Variants in JAKMIP3 observed in about 807,000 individuals in gnomAD.
JAKMIP3 encodes the protein Janus kinase and microtubule interacting protein 3.
JAKMIP3 carries 58 observed loss-of-function variants against 118.5 expected under a neutral mutation model. The observed-to-expected ratio is 0.49, with a 90% confidence interval of 0.40 to 0.61. The LOEUF (loss-of-function observed/expected upper bound fraction) is 0.61. Among genes scored for constraint, JAKMIP3 ranks in the 20% least tolerant of loss-of-function variants. The pLI, the probability that JAKMIP3 is intolerant of heterozygous loss-of-function variation, is 0.00. For missense variants in JAKMIP3, 950 were observed against 1,109.0 expected, an observed-to-expected ratio of 0.86 and a Z score of 2.04; for synonymous variants, 486 against 451.2, an observed-to-expected ratio of 1.08 and a Z score of -0.98.
chr10:132,053,088 C>A (rs2038144143), intron 1 of JAKMIP3, among the ~76,000 whole-genome samples: 1 of 152,184 alleles, frequency 6.6e-6, no homozygotes, highest in Non-Finnish European at 1.5e-5. Flanking sequence ...GACCTGGGAT[C>A]AATGTGCCTC....
intron 1 of JAKMIP3, among the ~76,000 whole-genome samples, chr10:132,094,239 T>G (rs1364829024): frequency 6.6e-6 from 1 of 152,194 alleles, no homozygotes; most frequent in East Asian, 1.9e-4. Context: ...ATAACTGACC[T>G]TCTGAATTCT....
intron 1 of JAKMIP3, among the ~76,000 whole-genome samples, chr10:132,079,083 C>T (rs1284088308): frequency 6.9e-6 from 1 of 144,084 alleles, no homozygotes; most frequent in Non-Finnish European, 1.5e-5. Flanking sequence ...GAGACCCCCA[C>T]AGCCAGCTGC....
At position 132,142,055 on chromosome 10, in the gene JAKMIP3, G is replaced by A. The variant is rs758182124; in HGVS notation, c.1602+7G>A. 4.7e-5 allele frequency: 72 copies of A among 1,533,994 alleles called. 1 individual carries two copies. The South Asian group carries it at 5.0e-4, about 11-fold the overall frequency. On this transcript the variant is annotated splice_region_variant and intron_variant, in intron 11 of 23. Transcript: ENST00000684848. ...CGCAGAGCGAGAAGTTAAGGTCTACGTGACTTCCACCGCGCGTTCCGGCCC... is the reference window on the plus strand; with the variant it reads ...CGCAGAGCGAGAAGTTAAGGTCTACATGACTTCCACCGCGCGTTCCGGCCC...
chr10:132,168,584 CAAGA>C lies in JAKMIP3; in HGVS notation c.*655_*658del. On this transcript the variant is annotated 3_prime_UTR_variant, in exon 23 of 24. Coordinates refer to ENST00000684848, the MANE Select transcript of JAKMIP3 (RefSeq NM_001323087.2). Reference sequence around the variant, plus strand: ...TCATCATCATCTCTGTGGGGACAGACAAGAGCCGTGGCCGCCGCGGGCCGCGTGG... The same window carrying C: ...TCATCATCATCTCTGTGGGGACAGACGCCGTGGCCGCCGCGGGCCGCGTGG... The C allele has an allele frequency of 2.7e-6, 1 of 374,854 alleles. No individual in the cohort carries two copies. The highest frequency in any genetic ancestry group is 5.0e-6 in the Non-Finnish European group (1 of 199,956). The allele number at this position is 374,854 out of a possible 1,614,324, so 23.2% of individuals were successfully genotyped here.
At chr10:132,076,112 A>G (rs1356452014) in intron 1 of JAKMIP3, among the ~76,000 whole-genome samples, 3 of 152,158 alleles carry the variant, frequency 2.0e-5, no homozygotes, top group African/African-American at 7.2e-5. Context: ...AATTCAGAAC[A>G]TTTCCATCGC....
At chr10:132,100,709 G>C (rs1280637749) in intron 1 of JAKMIP3, among the ~76,000 whole-genome samples, 1 of 152,152 alleles carries the variant, frequency 6.6e-6, no homozygotes, top group Non-Finnish European at 1.5e-5. Flanking sequence ...ATCATCCGAG[G>C]TGCGGAGCCT....
intron 21 of JAKMIP3, among the ~76,000 whole-genome samples, chr10:132,166,778 G>A (rs970790015): frequency 1.3e-5 from 2 of 152,144 alleles, no homozygotes; most frequent in East Asian, 1.9e-4. Flanking sequence ...TCCCCAGTGC[G>A]TTCCTAGGGG....
intron 3 of JAKMIP3, among the ~76,000 whole-genome samples, chr10:132,130,899 C>A (rs1190776495): frequency 3.3e-5 from 5 of 151,770 alleles, no homozygotes; most frequent in African/African-American, 4.8e-5. Context: ...TTGGGGGGCT[C>A]AGGGTTCTGC....
At chr10:132,178,247 T>G (rs2137084207) in intron 23 of JAKMIP3, among the ~76,000 whole-genome samples, 1 of 152,290 alleles carries the variant, frequency 6.6e-6, no homozygotes, top group Non-Finnish European at 1.5e-5. Context: ...GGCTCCGCCG[T>G]GGTGGCTGGG....
In JAKMIP3 at chr10:132,104,703, C is replaced by A; in HGVS notation, c.-106C>A. On this transcript the variant is annotated 5_prime_UTR_variant, in exon 2 of 24. Transcript: ENST00000684848. ...GAGAAGATGTAGTGTGACAGCAGCC[C>A]GGGTGACACCTGCTGGGAGCTTGGC... 1.7e-6 allele frequency: 2 copies of A among 1,160,474 alleles called. No individual in the cohort carries two copies. Among genetic ancestry groups the A allele is most frequent in the East Asian group, 2.6e-5 (1 of 38,678 alleles). The allele number at this position is 1,160,474 out of a possible 1,614,324, so 71.9% of individuals were successfully genotyped here.
intron 19 of JAKMIP3, among the ~76,000 whole-genome samples, chr10:132,162,504 T>C (rs1426776786): frequency 6.6e-6 from 1 of 152,242 alleles, no homozygotes; most frequent in Non-Finnish European, 1.5e-5. Context: ...ATGTGCGAGC[T>C]GGTTGTGACA....
intron 1 of JAKMIP3, among the ~76,000 whole-genome samples, chr10:132,093,036 C>G (rs1329794613): frequency 1.3e-5 from 2 of 152,186 alleles, no homozygotes; most frequent in East Asian, 3.8e-4. Context: ...GAGGTCCACT[C>G]CAGACCCTGT....
chr10:132,166,480 C>T (rs1250469820), intron 21 of JAKMIP3, among the ~76,000 whole-genome samples: 1 of 152,204 alleles, frequency 6.6e-6, no homozygotes, highest in Non-Finnish European at 1.5e-5. Flanking sequence ...TTTGTCTGCT[C>T]AGGGTGCTGG....
chr10:132,129,122 A>G (rs558049913), intron 3 of JAKMIP3, among the ~76,000 whole-genome samples: 1 of 152,302 alleles, frequency 6.6e-6, no homozygotes, highest in South Asian at 2.1e-4. Context: ...GTTCAAGCAG[A>G]CAAGTACTGA....
At chr10:132,040,543 A>T (rs2037707868) in intron 1 of JAKMIP3, among the ~76,000 whole-genome samples, 2 of 151,844 alleles carry the variant, frequency 1.3e-5, no homozygotes, top group African/African-American at 4.8e-5. Context: ...ATTCATGAGC[A>T]TTTTTTTACT....
rs2135338519 is a variant in JAKMIP3 at position 132,117,012 on chromosome 10, A to G, written c.136-65A>G. 6.5e-7 allele frequency: 1 copy of G among 1,538,814 alleles called. No homozygotes were observed. The highest frequency in any genetic ancestry group is 2.3e-5 in the East Asian group (1 of 43,998). ...AACGTGGAAGCTCCCCCAAATGCAC[A>G]TTCAGGTGTGAGTGTGTGCATGGCT... On this transcript the variant is annotated intron_variant, in intron 2 of 23. Transcript: ENST00000684848. This position sits in a 1 kb window ranked among gnomAD's most constrained non-coding sequence, Gnocchi z 8.6.
At chr10:132,148,636 G>C (rs905506554) in intron 14 of JAKMIP3, among the ~76,000 whole-genome samples, 1 of 152,028 alleles carries the variant, frequency 6.6e-6, no homozygotes, top group Admixed American at 6.5e-5. Context: ...GGGGCCACGC[G>C]GTGACTGGGA....
At chr10:132,164,619 G>A in intron 20 of JAKMIP3, 51 bp from the exon 21 acceptor site, 2 of 1,220,616 alleles carry the variant, frequency 1.6e-6, no homozygotes, top group South Asian at 2.5e-5. Context: ...AAGGATTTGG[G>A]TTTCCCGAGT....
rs372068371 is a variant in JAKMIP3, at chr10:132,153,815, G to C, written c.2130G>C (p.Leu710=). ...CGCTGCAGCGGAAGATGGTGGATCT[G>C]GAGAGCGAGAAGGTTGGTGGCACCT... The part of the protein sequence containing the change: ...EAALQRKMVD[L]ESEKELFSKQ... Residue 710 remains leucine, a synonymous_variant, in exon 18 of 24, where the codon CTG becomes CTC. Transcript: ENST00000684848. 1 of 1,613,114 alleles carries C rather than the reference G, an allele frequency of 6.2e-7. No individual in the cohort carries two copies. The highest frequency in any genetic ancestry group is 8.5e-7 in the Non-Finnish European group (1 of 1,179,850).
Sources: gnomAD v4.1 joint callset for allele counts (sites outside exome capture counted in the v4.1 genomes callset) on GRCh38, gnomAD v4.1.1 for gene constraint, Gnocchi (gnomAD v3.1) non-coding constraint, MANE v1.5 for transcripts, NCBI Gene and HGNC (gene_info 2026-07-23, HGNC 2026-07-21) for gene names.